SPEF2: variants seen among roughly 807,000 people sequenced by gnomAD.
The protein encoded by SPEF2 is sperm flagella and cilia-associated protein 2.
SPEF2 carries 187 observed loss-of-function variants against 224.6 expected under a neutral mutation model. That is an observed-to-expected ratio of 0.83 (90% CI 0.74 to 0.94). The LOEUF (loss-of-function observed/expected upper bound fraction) is 0.94, where lower values mean the gene tolerates loss of function less well. Ranked by LOEUF, SPEF2 falls within the 40% of genes least tolerant of loss-of-function variation. The pLI is 0.00. For missense variants in SPEF2, 2,170 were observed against 2,135.6 expected, an observed-to-expected ratio of 1.02 and a Z score of -0.32; for synonymous variants, 715 against 707.3, an observed-to-expected ratio of 1.01 and a Z score of -0.17.
intron 28 of SPEF2, 115 bp from the exon 29 acceptor site, chr5:35,776,142 A>G (rs1753586197): frequency 1.0e-6 from 1 of 990,960 alleles, no homozygotes; most frequent in Non-Finnish European, 1.4e-6. Context: ...GGTATATTAA[A>G]CGTGCACCTA....
chr5:35,795,403 C>T (rs577830352), intron 32 of SPEF2, among the ~76,000 whole-genome samples: 19 of 152,240 alleles, frequency 1.2e-4, no homozygotes, highest in African/African-American at 4.6e-4. Flanking sequence ...ACGATCCAAT[C>T]GTTAAAAATA....
chr5:35,689,730 C>T (rs1754174751), intron 10 of SPEF2, among the ~76,000 whole-genome samples: 1 of 152,114 alleles, frequency 6.6e-6, no homozygotes, highest in Admixed American at 6.6e-5. Flanking sequence ...ACATGTACCA[C>T]ATTTTCTTTA....
intron 23 of SPEF2, among the ~76,000 whole-genome samples, chr5:35,748,222 A>T (rs1322959962): frequency 6.6e-6 from 1 of 152,124 alleles, no homozygotes; most frequent in African/African-American, 2.4e-5. Flanking sequence ...GCCTACATCA[A>T]AAAGATCAAA....
intron 8 of SPEF2, among the ~76,000 whole-genome samples, chr5:35,665,675 A>G (rs980622403): frequency 6.6e-6 from 1 of 152,018 alleles, no homozygotes. Flanking sequence ...TTCTCATTGG[A>G]TATTTCTGCT....
chr5:35,661,612 T>A (rs1484241666), intron 8 of SPEF2, among the ~76,000 whole-genome samples: 1 of 151,892 alleles, frequency 6.6e-6, no homozygotes, highest in Non-Finnish European at 1.5e-5. Flanking sequence ...GTATGTGTTG[T>A]TCCCCTCCGT....
chr5:35,617,937 C>A lies in SPEF2; in HGVS notation c.-61C>A. ...TTGGCTACAGGAGGACGCGGGCTGGCAGGCTTGGTTCCTGGCGAGTTTCTA... is the reference window on the plus strand; with the variant it reads ...TTGGCTACAGGAGGACGCGGGCTGGAAGGCTTGGTTCCTGGCGAGTTTCTA... On this transcript the variant is annotated 5_prime_UTR_variant, in exon 1 of 37. Coordinates refer to ENST00000356031, the MANE Select transcript of SPEF2 (RefSeq NM_024867.4). 6.6e-7 allele frequency: 1 copy of A among 1,517,308 alleles called. No homozygotes were observed. Among genetic ancestry groups the A allele is most frequent in the Non-Finnish European group, 9.0e-7 (1 of 1,114,912 alleles). 94.0% of individuals were successfully genotyped at this position (1,517,308 alleles called of 1,614,324 possible).
At chr5:35,811,864 A>C (rs1758556860) in intron 36 of SPEF2, among the ~76,000 whole-genome samples, 1 of 148,598 alleles carries the variant, frequency 6.7e-6, no homozygotes, top group Admixed American at 6.8e-5. Flanking sequence ...GGCTCACTGC[A>C]AGCTGCACCT....
intron 34 of SPEF2, among the ~76,000 whole-genome samples, chr5:35,801,322 C>T (rs184690451): frequency 5.2e-4 from 79 of 152,260 alleles, no homozygotes; most frequent in Middle Eastern, 3.4e-3. Flanking sequence ...TCTAGACCAG[C>T]CTGACCAATA....
chr5:35,697,630 A>T, intron 14 of SPEF2, 60 bp from the exon 15 acceptor site: 1 of 1,369,018 alleles, frequency 7.3e-7, no homozygotes, highest in African/African-American at 1.4e-5. Flanking sequence ...TTTCCTCCAA[A>T]TGTTTGGAAT....
chr5:35,637,044 G>A (rs1391014296), intron 2 of SPEF2, among the ~76,000 whole-genome samples: 4 of 151,750 alleles, frequency 2.6e-5, no homozygotes, highest in Non-Finnish European at 4.4e-5. Flanking sequence ...CTTTGGAGGC[G>A]CTTCAAATCT....
intron 30 of SPEF2, among the ~76,000 whole-genome samples, chr5:35,780,092 T>A (rs757621688): frequency 6.6e-6 from 1 of 152,170 alleles, no homozygotes; most frequent in Admixed American, 6.5e-5. Context: ...TATGGTCATA[T>A]ATCATTCAGA....
At chr5:35,672,432 G>A (rs1751325726) in intron 10 of SPEF2, among the ~76,000 whole-genome samples, 1 of 148,758 alleles carries the variant, frequency 6.7e-6, no homozygotes, top group Non-Finnish European at 1.5e-5. Context: ...ATTTAATAAT[G>A]ACAAATGTGG....
intron 8 of SPEF2, among the ~76,000 whole-genome samples, chr5:35,660,038 C>T (rs1029943197): frequency 1.3e-5 from 2 of 152,052 alleles, no homozygotes; most frequent in African/African-American, 4.8e-5. Flanking sequence ...GCTAGCTGTG[C>T]TCTTTGCTAC....
intron 24 of SPEF2, among the ~76,000 whole-genome samples, chr5:35,758,803 C>T (rs1750804544): frequency 1.3e-5 from 2 of 151,890 alleles, no homozygotes; most frequent in African/African-American, 4.8e-5. Context: ...GTCAGGAGTT[C>T]GAAACCAGCC....
chr5:35,742,325 T>C (rs1022338574), intron 23 of SPEF2, among the ~76,000 whole-genome samples: 1 of 152,136 alleles, frequency 6.6e-6, no homozygotes, highest in Non-Finnish European at 1.5e-5. Flanking sequence ...ATTATTTCTA[T>C]GGGCAAACTT....
At chr5:35,759,849 C>A in intron 25 of SPEF2, 130 bp downstream of exon 25, 2 of 890,832 alleles carry the variant, frequency 2.2e-6, no homozygotes, top group Non-Finnish European at 3.1e-6. Context: ...CTCTAATAAC[C>A]AAACATGTTT....
chr5:35,711,321 A>ATTGTTATT (rs1561241891), intron 19 of SPEF2, among the ~76,000 whole-genome samples: 1 of 148,734 alleles, frequency 6.7e-6, no homozygotes, highest in East Asian at 2.0e-4. Context: ...TTGTTAAAAA[A>ATTGTTATT]TTGTTATTTT....
chr5:35,631,783 TCA>T (rs1745167841), intron 2 of SPEF2, among the ~76,000 whole-genome samples: 1 of 152,190 alleles, frequency 6.6e-6, no homozygotes, highest in African/African-American at 2.4e-5. Flanking sequence ...GAAAAAAATT[TCA>T]CAGAGTTCCA....
At chr5:35,789,930 C>A in intron 30 of SPEF2, 2 of 702,686 alleles carry the variant, frequency 2.8e-6, no homozygotes, top group South Asian at 3.0e-5. Context: ...GCCAGGTAAG[C>A]AAGAAAGCAA....
Sources: gnomAD v4.1 joint callset for allele counts (sites outside exome capture counted in the v4.1 genomes callset) on GRCh38, gnomAD v4.1.1 for gene constraint, MANE v1.5 for transcripts, NCBI Gene and HGNC (gene_info 2026-07-23, HGNC 2026-07-21) for gene names.